The following SLC8A1 variants were observed in gnomAD, a reference collection of about 807,000 sequenced individuals.
SLC8A1 encodes sodium/calcium exchanger 1.
A neutral mutation model predicts 68.3 loss-of-function variants in SLC8A1; 18 were observed. The observed-to-expected ratio is 0.26, with a 90% CI of 0.18 to 0.39. SLC8A1 has a LOEUF of 0.39. Ranked by LOEUF, SLC8A1 falls within the 10% of genes least tolerant of loss-of-function variation. The probability of loss-of-function intolerance (pLI) is 1.00; values close to 1 mark genes in which losing one functional copy is unlikely to be tolerated. For synonymous variants in SLC8A1, 475 were observed against 415.5 expected (o/e 1.14, Z -1.74); for missense variants, 985 against 1,156.7 (o/e 0.85, Z 2.15).
chr2:40,234,530 T>A (rs2060106866), intron 2 of SLC8A1, among the ~76,000 whole-genome samples: 1 of 152,186 alleles, frequency 6.6e-6, no homozygotes. Context: ...AGATATACAA[T>A]CATGTCTTCT....
chr2:40,429,783 G>A (rs142612149), exon 2 of SLC8A1: 12 of 1,613,760 alleles, frequency 7.4e-6, no homozygotes, highest in African/African-American at 6.7e-5. Flanking sequence ...TGCTAGGACC[G>A]AGGTCTCCTG....
At chr2:40,502,209 A>G (rs76714111) in intron 1 of SLC8A1, among the ~76,000 whole-genome samples, 2,965 of 152,154 alleles carry the variant, frequency 0.019, 93 homozygotes, top group African/African-American at 0.066. Context: ...ATTTGTACTC[A>G]TTGCTACATG....
intron 2 of SLC8A1, among the ~76,000 whole-genome samples, chr2:40,361,136 G>C (rs1355024116): frequency 6.6e-6 from 1 of 152,112 alleles, no homozygotes; most frequent in African/African-American, 2.4e-5. Flanking sequence ...AGAAACCATG[G>C]CATTCGGGTG....
At chr2:40,480,270 C>T (rs1704546997) in intron 1 of SLC8A1, among the ~76,000 whole-genome samples, 1 of 152,010 alleles carries the variant, frequency 6.6e-6, no homozygotes, top group Non-Finnish European at 1.5e-5. Context: ...AATATTTGTT[C>T]CCTCTAAAAT....
At chr2:40,278,098 C>G (rs891230883) in intron 2 of SLC8A1, among the ~76,000 whole-genome samples, 58 of 151,972 alleles carry the variant, frequency 3.8e-4, no homozygotes, top group Non-Finnish European at 1.6e-4. Context: ...TATCACATCA[C>G]TGGTTTTTAC....
chr2:40,343,785 T>C (rs1316764609), intron 2 of SLC8A1, among the ~76,000 whole-genome samples: 1 of 152,220 alleles, frequency 6.6e-6, no homozygotes, highest in Non-Finnish European at 1.5e-5. Context: ...TTGGGAAATG[T>C]ATTTATTTTC....
intron 2 of SLC8A1, among the ~76,000 whole-genome samples, chr2:40,247,649 T>TG (rs2062068660): frequency 6.7e-6 from 1 of 150,024 alleles, no homozygotes; most frequent in Non-Finnish European, 1.5e-5. Context: ...AGTTTATAAC[T>TG]CTATTTTAAA....
chr2:40,179,049 T>C (rs975738774), intron 2 of SLC8A1, among the ~76,000 whole-genome samples: 3 of 151,684 alleles, frequency 2.0e-5, no homozygotes, highest in Non-Finnish European at 1.5e-5. Flanking sequence ...AAAGAAAATA[T>C]AGTCAAGTTA....
intron 2 of SLC8A1, among the ~76,000 whole-genome samples, chr2:40,249,798 A>T (rs993350576): frequency 2.0e-5 from 3 of 152,100 alleles, no homozygotes; most frequent in African/African-American, 7.2e-5. Context: ...ATATGTCTCT[A>T]CTCTGTATTA....
At chr2:40,231,011 G>A (rs1047241761) in intron 2 of SLC8A1, among the ~76,000 whole-genome samples, 1 of 152,154 alleles carries the variant, frequency 6.6e-6, no homozygotes. Context: ...TGGAAATGAA[G>A]CCCAATTTTT....
At chr2:40,408,767 C>T (rs547531177) in intron 2 of SLC8A1, among the ~76,000 whole-genome samples, 2 of 152,222 alleles carry the variant, frequency 1.3e-5, no homozygotes, top group South Asian at 4.2e-4. Context: ...CGAGTATGGT[C>T]AAGATTTAGT....
chr2:40,341,360 A>T (rs1016997513), intron 2 of SLC8A1, among the ~76,000 whole-genome samples: 4 of 152,242 alleles, frequency 2.6e-5, no homozygotes, highest in African/African-American at 9.6e-5. Flanking sequence ...GCTGTCTTCT[A>T]ACTTGGCCCT....
At chr2:40,452,633 C>G (rs1702697783), upstream of SLC8A1, among the ~76,000 whole-genome samples, 1 of 152,048 alleles carries the variant, frequency 6.6e-6, no homozygotes, top group East Asian at 1.9e-4. Context: ...AGGAAGCTTT[C>G]TTTTAGCAAA....
intron 1 of SLC8A1, among the ~76,000 whole-genome samples, chr2:40,449,997 C>A (rs745941407): frequency 1.3e-5 from 2 of 152,334 alleles, no homozygotes; most frequent in Non-Finnish European, 2.9e-5. Flanking sequence ...AAATGGAATT[C>A]TTCAAGCAGG....
intron 2 of SLC8A1, among the ~76,000 whole-genome samples, chr2:40,390,479 A>G (rs1234077106): frequency 1.3e-5 from 2 of 152,106 alleles, no homozygotes; most frequent in Non-Finnish European, 2.9e-5. Context: ...TGGACCACCA[A>G]TTTCAGAAAT....
intron 2 of SLC8A1, among the ~76,000 whole-genome samples, chr2:40,335,131 G>A (rs1329166752): frequency 2.0e-5 from 3 of 152,178 alleles, no homozygotes; most frequent in African/African-American, 2.4e-5. Context: ...TAGGGAAATA[G>A]TTTTGGATAT....
intron 1 of SLC8A1, among the ~76,000 whole-genome samples, chr2:40,498,284 A>G (rs1484796781): frequency 6.6e-6 from 1 of 152,124 alleles, no homozygotes; most frequent in Non-Finnish European, 1.5e-5. Context: ...AAATATAAAC[A>G]TGATGGTAAA....
exon 8 of SLC8A1, chr2:40,108,116 A>G (rs141476398): frequency 6.6e-6 from 1 of 152,300 alleles, no homozygotes; most frequent in African/African-American, 2.4e-5. Flanking sequence ...CAACATCAAA[A>G]TGGAATCAGC....
At chr2:40,206,335 A>C (rs2055441040) in intron 2 of SLC8A1, among the ~76,000 whole-genome samples, 1 of 152,162 alleles carries the variant, frequency 6.6e-6, no homozygotes, top group East Asian at 1.9e-4. Flanking sequence ...CATTTATTTT[A>C]ATCTGTCCTG....
Sources: gnomAD v4.1 joint callset for allele counts (sites outside exome capture counted in the v4.1 genomes callset) on GRCh38, gnomAD v4.1.1 for gene constraint, MANE v1.5 for transcripts, NCBI Gene and HGNC (gene_info 2026-07-23, HGNC 2026-07-21) for gene names.